CGB7: variants seen among roughly 807,000 people sequenced by gnomAD.
CGB7 encodes the protein chorionic gonadotropin subunit beta 7.
CGB7 carries 6 observed loss-of-function variants against 7.3 expected under a neutral mutation model. The observed-to-expected ratio is 0.82, with a 90% CI of 0.45 to 1.62. The LOEUF is 1.62. CGB7 is among the 40% of genes most tolerant of loss of function. The probability of loss-of-function intolerance (pLI) is 0.01; values close to 1 mark genes in which losing one functional copy is unlikely to be tolerated. For missense variants in CGB7, 114 were observed against 236.2 expected (o/e 0.48, Z 3.39); for synonymous variants, 47 against 100.8 (o/e 0.47, Z 3.20).
rs774968410 is a variant in CGB7 at position 49,054,307 on chromosome 19, G to T, written c.482C>A (p.Pro161Gln). 2 of 1,600,616 alleles carry T rather than the reference G, an allele frequency of 1.2e-6. No individual in the cohort carries two copies. Among genetic ancestry groups the T allele is most frequent in the African/African-American group, 1.3e-5 (1 of 74,658 alleles). ...GAGAAGCCTTTATTGTGGGAGGATC[G>T]GGGTGTCTGAGGGCCCCGGGAGTCG... ...PSRLPGPSDT[P>Q]ILPQ Residue 161 changes from proline to glutamine, a missense_variant, in exon 5 of 5, where the codon CCG becomes CAG. By Grantham distance (76) the Pro-to-Gln change is moderately conservative (BLOSUM62 -1). Coordinates refer to ENST00000684222, the MANE Select transcript of CGB7 (RefSeq NM_001385261.1).
rs2040057682 is a variant in CGB7 at position 49,056,093 on chromosome 19, C to G, written c.-718G>C. The G allele has an allele frequency of 5.1e-6, 6 of 1,181,694 alleles. No homozygotes were observed. The highest frequency in any genetic ancestry group is 6.4e-6 in the Non-Finnish European group (6 of 935,816). 73.2% of individuals were successfully genotyped at this position (1,181,694 alleles called of 1,614,324 possible). ...CATTGTCTGGACTTAGTCCCTTCCCCGCGATCCAGCCGCAGCTGAGTGGGC... is the reference window on the plus strand; with the variant it reads ...CATTGTCTGGACTTAGTCCCTTCCCGGCGATCCAGCCGCAGCTGAGTGGGC... On this transcript the variant is annotated 5_prime_UTR_variant, in exon 3 of 5. Transcript: ENST00000684222.
In CGB7 at chr19:49,056,453, A is replaced by G. The variant is rs1213441535; in HGVS notation, c.-1078T>C. 5 of 1,299,302 alleles carry G rather than the reference A, an allele frequency of 3.8e-6. No individual in the cohort carries two copies. Among genetic ancestry groups the G allele is most frequent in the South Asian group, 1.2e-5 (1 of 81,964 alleles). 80.5% of individuals were successfully genotyped at this position (1,299,302 alleles called of 1,614,324 possible). ...GCTGTAGGTTTCCTGAGCCGGAGAC[A>G]TGGCCCGCCGTGCGGCGCTCGAGGC... On this transcript the variant is annotated 5_prime_UTR_variant, in exon 3 of 5. It removes an upstream start codon present in the reference 5' UTR. Coordinates refer to ENST00000684222, the MANE Select transcript of CGB7 (RefSeq NM_001385261.1).
intron 2 of CGB7, among the ~76,000 whole-genome samples, chr19:49,056,835 G>A (rs1399524458): frequency 1.3e-5 from 2 of 152,200 alleles, no homozygotes; most frequent in African/African-American, 4.8e-5. Context: ...CCTTGCGAAG[G>A]AGCATGTGGG....
rs1214445586 is a variant in CGB7, at chr19:49,056,239, C to T, written c.-864G>A. 10 of 1,288,488 alleles carry T rather than the reference C, an allele frequency of 7.8e-6. No homozygotes were observed. The highest frequency in any genetic ancestry group is 1.0e-5 in the Non-Finnish European group (10 of 988,296). 79.8% of individuals were successfully genotyped at this position (1,288,488 alleles called of 1,614,324 possible). A position where few individuals can be genotyped will look rare whatever the true frequency, so the allele number is the denominator to read the frequency against. Reference sequence around the variant, plus strand: ...TCTGCTCCGCCCCCACGCCAGGGGGCGTGTCTGGGGTGGGGCTGGCCCGGC... The same window carrying T: ...TCTGCTCCGCCCCCACGCCAGGGGGTGTGTCTGGGGTGGGGCTGGCCCGGC... On this transcript the variant is annotated 5_prime_UTR_variant, in exon 3 of 5. Transcript: ENST00000684222.
Position 49,057,504 on chromosome 19 carries a change from G to C in CGB7, c.-1391C>G, listed in dbSNP as rs2122211801. 1 of 1,238,556 alleles carries C rather than the reference G, an allele frequency of 8.1e-7. No homozygotes were observed. Among genetic ancestry groups the C allele is most frequent in the Non-Finnish European group, 1.0e-6 (1 of 982,470 alleles). The allele number at this position is 1,238,556 out of a possible 1,614,324, so 76.7% of individuals were successfully genotyped here. ...CTCCTGCTGGTCAAGGAACTCAAAT[G>C]CAGGCCCCCAGCCACCACAAAATCC... On this transcript the variant is annotated 5_prime_UTR_variant, in exon 1 of 5. Coordinates refer to ENST00000684222, the MANE Select transcript of CGB7 (RefSeq NM_001385261.1).
rs2040084261 is a variant in CGB7, at chr19:49,057,708, A to G, written c.-1595T>C. 1 of 1,286,820 alleles carries G rather than the reference A, an allele frequency of 7.8e-7. No individual in the cohort carries two copies. Among genetic ancestry groups the G allele is most frequent in the South Asian group, 1.9e-5 (1 of 51,766 alleles). 79.7% of individuals were successfully genotyped at this position (1,286,820 alleles called of 1,614,324 possible). On this transcript the variant is annotated 5_prime_UTR_variant, in exon 1 of 5. Transcript: ENST00000684222. ...CTCCGCAGCAGCTTAGGAGCCCTGA[A>G]GGCGAGTTTCCAGCCCCTGGTCCTT...
rs1185113783 is a variant in CGB7 at position 49,055,598 on chromosome 19, A to G, written c.-223T>C. The stretch of plus-strand genomic sequence containing the variant: ...AAGGATGAGGCGGAGACCACGGTGA[A>G]GTGACCTCTGAGACTCAGTCGTCGA... On this transcript the variant is annotated 5_prime_UTR_variant, in exon 3 of 5. Transcript: ENST00000684222. 3 of 1,462,996 alleles carry G rather than the reference A, an allele frequency of 2.1e-6. No homozygotes were observed. The highest frequency in any genetic ancestry group is 1.4e-5 in the South Asian group (1 of 71,642). The allele number at this position is 1,462,996 out of a possible 1,614,324, so 90.6% of individuals were successfully genotyped here.
chr19:49,055,161 C>T lies in CGB7; in HGVS notation c.16-153G>A, dbSNP rs1207847735. 19 of 984,990 alleles carry T rather than the reference C, an allele frequency of 1.9e-5. No homozygotes were observed. In the Admixed American group the frequency reaches 6.2e-4, roughly 32 times the overall value. The allele number at this position is 984,990 out of a possible 1,614,324, so 61.0% of individuals were successfully genotyped here. Reference sequence around the variant, plus strand: ...CCACCCGGACACCTGCCTTTCAGAGCCCACCCCACAGCCCGAGGGACCTGA... The same window carrying T: ...CCACCCGGACACCTGCCTTTCAGAGTCCACCCCACAGCCCGAGGGACCTGA... On this transcript the variant is annotated intron_variant, in intron 3 of 4. Coordinates refer to ENST00000684222, the MANE Select transcript of CGB7 (RefSeq NM_001385261.1).
chr19:49,055,667 T>C lies in CGB7; in HGVS notation c.-292A>G. 2 of 1,360,910 alleles carry C rather than the reference T, an allele frequency of 1.5e-6. No homozygotes were observed. The highest frequency in any genetic ancestry group is 5.6e-5 in the East Asian group (2 of 35,456). 84.3% of individuals were successfully genotyped at this position (1,360,910 alleles called of 1,614,324 possible). The stretch of plus-strand genomic sequence containing the variant: ...GGCTGGAGGCACAGAGAGTAGGGTG[T>C]AGGAAGGCCTGCCTCTGCCTATGGT... On this transcript the variant is annotated 5_prime_UTR_variant, in exon 3 of 5. Coordinates refer to ENST00000684222, the MANE Select transcript of CGB7 (RefSeq NM_001385261.1).
At position 49,056,513 on chromosome 19, in the gene CGB7, G is replaced by T. The variant is rs777696409; in HGVS notation, c.-1138C>A. 1 of 1,302,832 alleles carries T rather than the reference G, an allele frequency of 7.7e-7. No individual in the cohort carries two copies. The highest frequency in any genetic ancestry group is 1.5e-5 in the African/African-American group (1 of 66,226). The allele number at this position is 1,302,832 out of a possible 1,614,324, so 80.7% of individuals were successfully genotyped here. Reference sequence around the variant, plus strand: ...GAGCAGAGACAGGGCTGCCGCTGCGGGTCGTGACTCCAGAGTTGGGGCGTC... The same window carrying T: ...GAGCAGAGACAGGGCTGCCGCTGCGTGTCGTGACTCCAGAGTTGGGGCGTC... On this transcript the variant is annotated 5_prime_UTR_variant, in exon 3 of 5. Transcript: ENST00000684222.
At position 49,055,410 on chromosome 19, in the gene CGB7, T is replaced by A; in HGVS notation, c.-35A>T. 1 of 1,608,208 alleles carries A rather than the reference T, an allele frequency of 6.2e-7. No homozygotes were observed. On this transcript the variant is annotated 5_prime_UTR_variant, in exon 3 of 5. Coordinates refer to ENST00000684222, the MANE Select transcript of CGB7 (RefSeq NM_001385261.1). ...GTCCCCTGCCTGGTGTACCTGGCTT[T>A]ATACCTCGGGTTTGTGGGGGCGTCA...
Position 49,056,365 on chromosome 19 carries a change from G to A in CGB7, c.-990C>T. The A allele has an allele frequency of 2.3e-6, 3 of 1,295,602 alleles. No individual in the cohort carries two copies. Among genetic ancestry groups the A allele is most frequent in the Non-Finnish European group, 3.0e-6 (3 of 992,436 alleles). The allele number at this position is 1,295,602 out of a possible 1,614,324, so 80.3% of individuals were successfully genotyped here. On this transcript the variant is annotated 5_prime_UTR_variant, in exon 3 of 5. Coordinates refer to ENST00000684222, the MANE Select transcript of CGB7 (RefSeq NM_001385261.1). ...TGCCCGGCAGGGGCTTCCAGTGGGGGCCACCCCAAGTCGCCTCCAGCGGGC... is the reference window on the plus strand; with the variant it reads ...TGCCCGGCAGGGGCTTCCAGTGGGGACCACCCCAAGTCGCCTCCAGCGGGC...
In CGB7 at chr19:49,056,467, G is replaced by C. The variant is rs1383853849; in HGVS notation, c.-1092C>G. 4.6e-6 allele frequency: 6 copies of C among 1,300,076 alleles called. No homozygotes were observed. Among genetic ancestry groups the C allele is most frequent in the African/African-American group, 1.5e-5 (1 of 66,102 alleles). 80.5% of individuals were successfully genotyped at this position (1,300,076 alleles called of 1,614,324 possible). A position where few individuals can be genotyped will look rare whatever the true frequency, so the allele number is the denominator to read the frequency against. On this transcript the variant is annotated 5_prime_UTR_variant, in exon 3 of 5. Coordinates refer to ENST00000684222, the MANE Select transcript of CGB7 (RefSeq NM_001385261.1). ...GAGCCGGAGACATGGCCCGCCGTGC[G>C]GCGCTCGAGGCGGCCTGGAAGAGCA...
At position 49,055,487 on chromosome 19, in the gene CGB7, G is replaced by T; in HGVS notation, c.-112C>A. 1 of 1,604,750 alleles carries T rather than the reference G, an allele frequency of 6.2e-7. No homozygotes were observed. Among genetic ancestry groups the T allele is most frequent in the South Asian group, 1.1e-5 (1 of 90,024 alleles). ...GGAGTGAGCTGGACACTAACCCTTC[G>T]GGGGGCGAGAAGTAGACAAGGCCAG... On this transcript the variant is annotated 5_prime_UTR_variant, in exon 3 of 5. Transcript: ENST00000684222.
intron 3 of CGB7, 51 bp downstream of exon 3, chr19:49,055,310 A>C: frequency 6.2e-7 from 1 of 1,609,030 alleles, no homozygotes; most frequent in South Asian, 1.1e-5. Flanking sequence ...TTCTCATGCC[A>C]GTGATGGCCT....
rs937644640 is a variant in CGB7, at chr19:49,057,198, T to C, written c.-1298A>G. On this transcript the variant is annotated 5_prime_UTR_variant, in exon 2 of 5. Transcript: ENST00000684222. ...GGTTCAGGACGCCCCGGTCGGATACTGTGAAGGGTGGGCCAGACAGCGCGG... is the reference window on the plus strand; with the variant it reads ...GGTTCAGGACGCCCCGGTCGGATACCGTGAAGGGTGGGCCAGACAGCGCGG... 4.8e-5 allele frequency: 73 copies of C among 1,534,426 alleles called. No individual in the cohort carries two copies. Among genetic ancestry groups the C allele is most frequent in the African/African-American group, 1.6e-4 (12 of 72,968 alleles).
At position 49,056,255 on chromosome 19, in the gene CGB7, C is replaced by G; in HGVS notation, c.-880G>C. Reference sequence around the variant, plus strand: ...GCCAGGGGGCGTGTCTGGGGTGGGGCTGGCCCGGCAGGCTCCCACTAGCCC... The same window carrying G: ...GCCAGGGGGCGTGTCTGGGGTGGGGGTGGCCCGGCAGGCTCCCACTAGCCC... On this transcript the variant is annotated 5_prime_UTR_variant, in exon 3 of 5. Coordinates refer to ENST00000684222, the MANE Select transcript of CGB7 (RefSeq NM_001385261.1). 7.8e-7 allele frequency: 1 copy of G among 1,290,178 alleles called. No homozygotes were observed. Among genetic ancestry groups the G allele is most frequent in the Non-Finnish European group, 1.0e-6 (1 of 989,238 alleles). The allele number at this position is 1,290,178 out of a possible 1,614,324, so 79.9% of individuals were successfully genotyped here. A position where few individuals can be genotyped will look rare whatever the true frequency, so the allele number is the denominator to read the frequency against.
Position 49,055,833 on chromosome 19 carries a change from T to C in CGB7, c.-458A>G. ...GGCTTCGGACTTAGCTTCTGCCCAG[T>C]GAGAGAGGGTCTCCCCGTGACTGTG... On this transcript the variant is annotated 5_prime_UTR_variant, in exon 3 of 5. Coordinates refer to ENST00000684222, the MANE Select transcript of CGB7 (RefSeq NM_001385261.1). 3 of 1,086,430 alleles carry C rather than the reference T, an allele frequency of 2.8e-6. No individual in the cohort carries two copies. Among genetic ancestry groups the C allele is most frequent in the Non-Finnish European group, 3.4e-6 (3 of 888,186 alleles). 67.3% of individuals were successfully genotyped at this position (1,086,430 alleles called of 1,614,324 possible).
intron 3 of CGB7, 138 bp from the exon 4 acceptor site, chr19:49,055,146 A>G: frequency 6.4e-7 from 1 of 1,553,598 alleles, no homozygotes; most frequent in East Asian, 2.3e-5. Flanking sequence ...CCACCCGGAC[A>G]CCTGCCTTTC....
Sources: gnomAD v4.1 joint callset for allele counts (sites outside exome capture counted in the v4.1 genomes callset) on GRCh38, gnomAD v4.1.1 for gene constraint, MANE v1.5 for transcripts, NCBI Gene and HGNC (gene_info 2026-07-23, HGNC 2026-07-21) for gene names.